Variants in ADAMTSL1 observed in about 807,000 individuals in gnomAD.
ADAMTSL1 encodes ADAMTS like 1.
A neutral mutation model predicts 201.8 loss-of-function variants in ADAMTSL1; 126 were observed. That is an observed-to-expected ratio of 0.62 (90% CI 0.54 to 0.72). The LOEUF is 0.72. Among genes scored for constraint, ADAMTSL1 ranks in the 30% least tolerant of loss-of-function variants. The probability of loss-of-function intolerance (pLI) is 0.00; values close to 1 mark genes in which losing one functional copy is unlikely to be tolerated. For missense variants in ADAMTSL1, 2,679 were observed against 2,277.8 expected, an observed-to-expected ratio of 1.18 and a Z score of -3.59; for synonymous variants, 1,121 against 903.4, an observed-to-expected ratio of 1.24 and a Z score of -4.32.
intron 2 of ADAMTSL1, among the ~76,000 whole-genome samples, chr9:18,406,009 A>G (rs1485271265): frequency 6.6e-6 from 1 of 152,218 alleles, no homozygotes; most frequent in Non-Finnish European, 1.5e-5. Flanking sequence ...CTTCTTGAGA[A>G]TGTTAGGTCT....
chr9:18,162,098 G>A (rs147303645), intron 1 of ADAMTSL1, among the ~76,000 whole-genome samples: 494 of 152,104 alleles, frequency 3.2e-3, no homozygotes, highest in Middle Eastern at 6.8e-3. Context: ...TCTCTGGTCC[G>A]TGTATTACTG....
chr9:17,963,348 C>T (rs1817836579), intron 1 of ADAMTSL1, among the ~76,000 whole-genome samples: 1 of 152,076 alleles, frequency 6.6e-6, no homozygotes, highest in Non-Finnish European at 1.5e-5. Context: ...CTAAAGAAGG[C>T]TAGATATTAG....
chr9:18,678,429 T>C (rs772943955), intron 10 of ADAMTSL1, among the ~76,000 whole-genome samples: 13 of 152,286 alleles, frequency 8.5e-5, no homozygotes, highest in Middle Eastern at 6.8e-3. Context: ...TATACAAGTA[T>C]TCACATGATA....
chr9:18,233,031 C>T (rs1050706899), intron 2 of ADAMTSL1, among the ~76,000 whole-genome samples: 1 of 152,170 alleles, frequency 6.6e-6, no homozygotes, highest in Non-Finnish European at 1.5e-5. Flanking sequence ...ATCATCTCTA[C>T]ATCTCATCTA....
intron 2 of ADAMTSL1, among the ~76,000 whole-genome samples, chr9:18,231,710 A>G (rs925816745): frequency 6.6e-6 from 1 of 152,192 alleles, no homozygotes; most frequent in African/African-American, 2.4e-5. Context: ...TGGATGTCTA[A>G]AAGGAATCTC....
intron 4 of ADAMTSL1, among the ~76,000 whole-genome samples, chr9:18,602,065 T>C (rs993396483): frequency 2.0e-5 from 3 of 152,334 alleles, no homozygotes; most frequent in African/African-American, 7.2e-5. Flanking sequence ...GGCAATGCAG[T>C]ACAGGCTTCT....
At chr9:18,715,068 G>C (rs547009953) in intron 14 of ADAMTSL1, among the ~76,000 whole-genome samples, 1 of 73,340 alleles carries the variant, frequency 1.4e-5, no homozygotes, top group South Asian at 5.0e-4. Context: ...CAATAAATTA[G>C]GTATTGATTG....
chr9:18,711,913 C>T (rs1410878581), intron 14 of ADAMTSL1, among the ~76,000 whole-genome samples: 428 of 142,546 alleles, frequency 3.0e-3, no homozygotes, highest in African/African-American at 8.4e-3. Flanking sequence ...AACGGGCAGA[C>T]TGCCTCCTCA....
At chr9:18,190,370 T>C (rs1187052601) in intron 2 of ADAMTSL1, among the ~76,000 whole-genome samples, 1 of 152,206 alleles carries the variant, frequency 6.6e-6, no homozygotes, top group African/African-American at 2.4e-5. Flanking sequence ...AAGCTGACTT[T>C]ATTCCATGGA....
In ADAMTSL1 at chr9:18,838,048, GGAA is replaced by G. The variant is rs556517221; in HGVS notation, c.4249+8080_4249+8082del. On this transcript the variant is annotated intron_variant, in intron 23 of 28. Coordinates refer to ENST00000380548, the MANE Select transcript of ADAMTSL1 (RefSeq NM_001040272.6). ...TGCTGCTGTTTTCTTCCCGAGACTG[GGAA>G]GAAGAAGAGGTTTAATGGACTTACA... Among the ~76,000 whole-genome samples, 245 of 152,068 alleles carry G rather than the reference GGAA, an allele frequency of 1.6e-3. 1 individual carries two copies. Among genetic ancestry groups the G allele is most frequent in the African/African-American group, 5.2e-3 (217 of 41,494 alleles).
Position 18,164,215 on chromosome 9 carries a change from T to C in ADAMTSL1, c.207+234T>C, listed in dbSNP as rs575231249. Among the ~76,000 whole-genome samples the C allele has an allele frequency of 2.0e-4, 30 of 152,054 alleles. No homozygotes were observed. In the East Asian group the frequency reaches 5.2e-3, roughly 27 times the overall value. On this transcript the variant is annotated intron_variant, in intron 2 of 29. Coordinates refer to the ADAMTSL1 transcript ENST00000680146. ...ATTTTACTCAAGCGTTAAAGTTTGTTTGGGGCAGCATGTGGAGGATTCACA... is the reference window on the plus strand; with the variant it reads ...ATTTTACTCAAGCGTTAAAGTTTGTCTGGGGCAGCATGTGGAGGATTCACA...
intron 1 of ADAMTSL1, among the ~76,000 whole-genome samples, chr9:18,054,509 G>A (rs575166505): frequency 3.4e-4 from 52 of 152,300 alleles, no homozygotes; most frequent in African/African-American, 1.2e-3. Flanking sequence ...ATGTGTGTTG[G>A]AGTGGTACTA....
At chr9:18,575,638 G>A (rs575213628) in intron 4 of ADAMTSL1, among the ~76,000 whole-genome samples, 3 of 152,308 alleles carry the variant, frequency 2.0e-5, no homozygotes, top group African/African-American at 7.2e-5. Flanking sequence ...GGACTGTGTT[G>A]TAGGGAATGG....
intron 9 of ADAMTSL1, among the ~76,000 whole-genome samples, chr9:18,669,151 G>A (rs995350277): frequency 3.3e-5 from 5 of 152,222 alleles, no homozygotes; most frequent in Non-Finnish European, 7.3e-5. Flanking sequence ...CCATAACAAT[G>A]CCAAGTCTGG....
rs904000989 is a variant in ADAMTSL1 at position 18,241,026 on chromosome 9, C to G, written c.207+77045C>G. Among the ~76,000 whole-genome samples the G allele has an allele frequency of 3.3e-5, 5 of 152,304 alleles. No individual in the cohort carries two copies. In the East Asian group the frequency reaches 9.7e-4, roughly 29 times the overall value. On this transcript the variant is annotated intron_variant, in intron 2 of 29. Transcript: ENST00000680146. ...TATTGTGGCTGGTTTGATCTTCTCT[C>G]CAGACCACTAAAACTTTCCATATCG...
chr9:18,495,336 G>T (rs986917500), intron 1 of ADAMTSL1, among the ~76,000 whole-genome samples: 3 of 152,120 alleles, frequency 2.0e-5, no homozygotes, highest in African/African-American at 7.2e-5. Context: ...ATGAGGTAGG[G>T]TAGTGACCTC....
chr9:18,850,546 C>A (rs1034066625), intron 23 of ADAMTSL1, among the ~76,000 whole-genome samples: 2 of 152,150 alleles, frequency 1.3e-5, no homozygotes, highest in Non-Finnish European at 2.9e-5. Flanking sequence ...TGGTTCCAAG[C>A]CAACTTTGTA....
rs377750164 is a variant in ADAMTSL1 at position 18,776,959 on chromosome 9, C to G, written c.2730C>G (p.Thr910=). The stretch of plus-strand genomic sequence containing the variant: ...GCAGGGTCCGCAAGCCCCTCATCAC[C>G]TGGGAGAAGGACGGCCAGCACCTCA... ...PARRVRKPLI[T]WEKDGQHLIS... Residue 910 remains threonine (T), a synonymous_variant, in exon 19 of 29, where the codon ACC becomes ACG. Transcript: ENST00000380548. 1 of 1,598,128 alleles carries G rather than the reference C, an allele frequency of 6.3e-7. No individual in the cohort carries two copies. The highest frequency in any genetic ancestry group is 1.3e-5 in the African/African-American group (1 of 74,518).
intron 1 of ADAMTSL1, among the ~76,000 whole-genome samples, chr9:18,074,524 CTTTTCTTTTCT>C (rs1823118527): frequency 7.3e-6 from 1 of 136,650 alleles, no homozygotes; most frequent in Non-Finnish European, 1.6e-5. Flanking sequence ...CTTTTCTTTT[CTTTTCTTTTCT>C]TCTCTCTTCT....
Sources: gnomAD v4.1 joint callset for allele counts (sites outside exome capture counted in the v4.1 genomes callset) on GRCh38, gnomAD v4.1.1 for gene constraint, MANE v1.5 for transcripts, NCBI Gene and HGNC (gene_info 2026-07-23, HGNC 2026-07-21) for gene names.